Variants in PHLDA3 observed in about 807,000 individuals in gnomAD.
The protein encoded by PHLDA3 is pleckstrin homology-like domain family A member 3.
Under a neutral mutation model 7.6 loss-of-function variants are expected in PHLDA3, and 12 were observed. The ratio of observed to expected loss-of-function variants is 1.58; its 90% confidence interval spans 1.01 to 2.55. The LOEUF (loss-of-function observed/expected upper bound fraction) is 2.55. Ranked by LOEUF, PHLDA3 falls within the 30% of genes most tolerant of loss-of-function variation. The pLI is 0.00. For synonymous variants in PHLDA3, 104 were observed against 85.1 expected, an observed-to-expected ratio of 1.22 and a Z score of -1.23; for missense variants, 177 against 175.6, an observed-to-expected ratio of 1.01 and a Z score of -0.05.
chr1:201,468,634 C>T lies in PHLDA3; in HGVS notation c.153G>A (p.Lys51=). 4 of 1,613,318 alleles carry T rather than the reference C, an allele frequency of 2.5e-6. No homozygotes were observed. Residue 51 remains lysine (K), a synonymous_variant, in exon 1 of 2, where the codon AAG becomes AAA. Coordinates refer to ENST00000367311, the MANE Select transcript of PHLDA3 (RefSeq NM_012396.5). ...CCTTGATGCGGGCGAAGCTGAGCTC[C>T]TTGGGCCGGCCGCCCGTGCCCTTGG... is the stretch of plus-strand genomic sequence containing the variant. ...FEAKGTGGRP[K]ELSFARIKAV... is the part of the protein sequence containing the mutation.
chr1:201,468,406 G>C lies in PHLDA3; in HGVS notation c.381C>G (p.Ser127=), dbSNP rs2102394355. Residue 127 remains serine (S), a synonymous_variant, in exon 1 of 2, where the codon TCC becomes TCG. Transcript: ENST00000367311. ...RQSLGTGTLV[S] Reference sequence around the variant, plus strand: ...GAAAGATGGTGCGCCCGGTGGTTTAGGACACGAGGGTCCCGGTCCCGAGGC... The same window carrying C: ...GAAAGATGGTGCGCCCGGTGGTTTACGACACGAGGGTCCCGGTCCCGAGGC... 6.2e-7 allele frequency: 1 copy of C among 1,613,870 alleles called. No homozygotes were observed.
rs752456608 is a variant in PHLDA3 at position 201,468,798 on chromosome 1, G to A, written c.-12C>T. 7 of 1,534,748 alleles carry A rather than the reference G, an allele frequency of 4.6e-6. No homozygotes were observed. Among genetic ancestry groups the A allele is most frequent in the Admixed American group, 4.0e-5 (2 of 50,514 alleles). ...GCCGCCGCCGTCATGGGCGCCCCGA[G>A]GTTCGCGGAAAGCTCCAGGCTGCGG... On this transcript the variant is annotated 5_prime_UTR_variant, in exon 1 of 2. Transcript: ENST00000367311.
chr1:201,466,953 G>A (rs80208624), intron 1 of PHLDA3, among the ~76,000 whole-genome samples: 4,030 of 152,172 alleles, frequency 0.026, 82 homozygotes, highest in African/African-American at 0.058. Flanking sequence ...AGCCTCTGGC[G>A]CAGTTGCCTA....
In PHLDA3 at chr1:201,466,003, G is replaced by C. The variant is rs1336760774; in HGVS notation, c.*238C>G. On this transcript the variant is annotated 3_prime_UTR_variant, in exon 2 of 2. Coordinates refer to ENST00000367311, the MANE Select transcript of PHLDA3 (RefSeq NM_012396.5). ...GAAGCCCCTGAGCTGGGCATGTCCT[G>C]AGAGTCTGGGACCATCCAGGGGCTG... The C allele has an allele frequency of 1.3e-5, 2 of 154,928 alleles. No homozygotes were observed. Among genetic ancestry groups the C allele is most frequent in the Non-Finnish European group, 2.9e-5 (2 of 68,320 alleles). The allele number at this position is 154,928 out of a possible 1,614,324, so 9.6% of individuals were successfully genotyped here. A position where few individuals can be genotyped will look rare whatever the true frequency, so the allele number is the denominator to read the frequency against.
rs567786210 is a variant in PHLDA3 at position 201,464,302 on chromosome 1, C to T, written c.*1939G>A. On this transcript the variant is annotated 3_prime_UTR_variant, in exon 2 of 2. Coordinates refer to ENST00000367311, the MANE Select transcript of PHLDA3 (RefSeq NM_012396.5). The stretch of plus-strand genomic sequence containing the variant: ...ATTCTAGTTGAGCTCTGATCTTTCT[C>T]AGCACTGATTAGGGTTGCATAAACA... The T allele has an allele frequency of 1.3e-5, 2 of 152,322 alleles. No individual in the cohort carries two copies. Among genetic ancestry groups the T allele is most frequent in the East Asian group, 3.9e-4 (2 of 5,186 alleles). 9.4% of individuals were successfully genotyped at this position (152,322 alleles called of 1,614,324 possible).
rs1440933616 is a variant in PHLDA3, at chr1:201,465,730, A to C, written c.*511T>G. ...TTAGGCCCAGCAGCTCCCCCTTCTC[A>C]AGGTGAGTCCAGAGGCCATTCTGGA... On this transcript the variant is annotated 3_prime_UTR_variant, in exon 2 of 2. Transcript: ENST00000367311. The C allele has an allele frequency of 1.3e-5, 2 of 154,920 alleles. No homozygotes were observed. The highest frequency in any genetic ancestry group is 4.8e-5 in the African/African-American group (2 of 41,502). The allele number at this position is 154,920 out of a possible 1,614,324, so 9.6% of individuals were successfully genotyped here. A position where few individuals can be genotyped will look rare whatever the true frequency, so the allele number is the denominator to read the frequency against.
intron 1 of PHLDA3, among the ~76,000 whole-genome samples, chr1:201,467,888 A>G (rs1437791473): frequency 6.6e-6 from 1 of 152,202 alleles, no homozygotes; most frequent in African/African-American, 2.4e-5. Context: ...ACCTAGAGGG[A>G]AAGAGGGTCG....
rs1416746228 is a variant in PHLDA3 at position 201,464,788 on chromosome 1, T to A, written c.*1453A>T. On this transcript the variant is annotated 3_prime_UTR_variant, in exon 2 of 2. Coordinates refer to ENST00000367311, the MANE Select transcript of PHLDA3 (RefSeq NM_012396.5). ...TCTGTACAACTCCAGGCAGCTATTG[T>A]CTGTACCTGTTTTCCCGTTTTTTTT... is the stretch of plus-strand genomic sequence containing the variant. 1.4e-5 allele frequency: 2 copies of A among 143,880 alleles called. No individual in the cohort carries two copies. The highest frequency in any genetic ancestry group is 3.0e-5 in the Non-Finnish European group (2 of 66,176). 8.9% of individuals were successfully genotyped at this position (143,880 alleles called of 1,614,324 possible).
chr1:201,468,486 C>T lies in PHLDA3; in HGVS notation c.301G>A (p.Gly101Ser). 6.2e-7 allele frequency: 1 copy of T among 1,614,176 alleles called. No individual in the cohort carries two copies. Among genetic ancestry groups the T allele is most frequent in the East Asian group, 2.2e-5 (1 of 44,888 alleles). ...TGCTGGTTCTTGAACTTGACCAGGC[C>T]TAGGGTGATCTGGGCGTTCCAGCCG... ...DPGWNAQITL[G>S]LVKFKNQQAI... is the part of the protein sequence containing the mutation. The change falls in exon 1 of 2, where the codon GGC becomes AGC. Residue 101 changes from glycine (G) to serine (S), a missense_variant. Transcript: ENST00000367311.
Position 201,468,599 on chromosome 1 carries a change from C to T in PHLDA3, c.188G>A (p.Cys63Tyr). The T allele has an allele frequency of 6.2e-7, 1 of 1,613,804 alleles. No individual in the cohort carries two copies. Among genetic ancestry groups the T allele is most frequent in the Non-Finnish European group, 8.5e-7 (1 of 1,180,014 alleles). The change falls in exon 1 of 2, where the codon TGC becomes TAC. Residue 63 changes from cysteine to tyrosine, a missense_variant. Transcript: ENST00000367311. ...LSFARIKAVE[C>Y]VESTGRHIYF... ...GATGTGGCGCCCGGTGCTCTCCACGCACTCCACGGCCTTGATGCGGGCGAA... is the reference window on the plus strand; with the variant it reads ...GATGTGGCGCCCGGTGCTCTCCACGTACTCCACGGCCTTGATGCGGGCGAA...
Position 201,466,064 on chromosome 1 carries a change from T to G in PHLDA3, c.*177A>C, listed in dbSNP as rs1397214422. The stretch of plus-strand genomic sequence containing the variant: ...CTCAGCCCTGCGTAGCCTTCTGCCC[T>G]CCTCCCAGGGCTCGTCCATTCCTTC... On this transcript the variant is annotated 3_prime_UTR_variant, in exon 2 of 2. Transcript: ENST00000367311. The G allele has an allele frequency of 1.3e-5, 2 of 155,158 alleles. No homozygotes were observed. Among genetic ancestry groups the G allele is most frequent in the Non-Finnish European group, 2.9e-5 (2 of 68,614 alleles). The allele number at this position is 155,158 out of a possible 1,614,324, so 9.6% of individuals were successfully genotyped here.
At chr1:201,468,293 G>A (rs1663723049) in intron 1 of PHLDA3, 48 bp downstream of exon 1, 1 of 1,221,180 alleles carries the variant, frequency 8.2e-7, no homozygotes, top group Non-Finnish European at 1.2e-6. Context: ...GTAGGGGAAA[G>A]AGAAGGGAGG....
intron 1 of PHLDA3, among the ~76,000 whole-genome samples, chr1:201,467,803 G>C (rs757127822): frequency 6.6e-6 from 1 of 152,318 alleles, no homozygotes; most frequent in African/African-American, 2.4e-5. Context: ...TGCAACCCTT[G>C]ATGGTGCCTT....
intron 1 of PHLDA3, among the ~76,000 whole-genome samples, chr1:201,467,248 T>C (rs1266615643): frequency 6.6e-6 from 1 of 151,932 alleles, no homozygotes; most frequent in Non-Finnish European, 1.5e-5. Flanking sequence ...TTGAAGCTGT[T>C]GAGGCTGCAG....
Position 201,468,874 on chromosome 1 carries a change from G to A in PHLDA3, c.-88C>T, listed in dbSNP as rs1183927351. ...GCAGCGCAGGATTCTGGCGCCCCGGGCTGGCAGGCCGTGCGCGCTGCCCAC... is the reference window on the plus strand; with the variant it reads ...GCAGCGCAGGATTCTGGCGCCCCGGACTGGCAGGCCGTGCGCGCTGCCCAC... On this transcript the variant is annotated 5_prime_UTR_variant, in exon 1 of 2. Transcript: ENST00000367311. 8.2e-6 allele frequency: 11 copies of A among 1,347,926 alleles called. No individual in the cohort carries two copies. In the Admixed American group the frequency reaches 2.0e-4, roughly 24 times the overall value. 83.5% of individuals were successfully genotyped at this position (1,347,926 alleles called of 1,614,324 possible). A position where few individuals can be genotyped will look rare whatever the true frequency, so the allele number is the denominator to read the frequency against.
At position 201,468,709 on chromosome 1, in the gene PHLDA3, C is replaced by T. The variant is rs1663747370; in HGVS notation, c.78G>A (p.Trp26Ter). The T allele has an allele frequency of 2.5e-6, 4 of 1,607,380 alleles. No individual in the cohort carries two copies. Among genetic ancestry groups the T allele is most frequent in the Non-Finnish European group, 3.4e-6 (4 of 1,179,200 alleles). The change falls in exon 1 of 2, where the codon TGG becomes TGA. Residue 26 changes from tryptophan to a stop codon, truncating the protein, a stop_gained. Coordinates refer to ENST00000367311, the MANE Select transcript of PHLDA3 (RefSeq NM_012396.5). LOFTEE classifies it high-confidence loss of function. The stretch of plus-strand genomic sequence containing the variant: ...CGGTGAGGACGCAGCGCTTCCGCTT[C>T]CACAGCTGCAGCAGCCCGCCGCTGC... ...EKRSGGLLQL[W>*]KRKRCVLTER...
chr1:201,469,164 C>T lies in PHLDA3; in HGVS notation c.-378G>A, dbSNP rs1032705398. The T allele has an allele frequency of 2.5e-5, 5 of 199,296 alleles. No homozygotes were observed. Among genetic ancestry groups the T allele is most frequent in the African/African-American group, 1.2e-4 (5 of 42,864 alleles). 12.3% of individuals were successfully genotyped at this position (199,296 alleles called of 1,614,324 possible). ...GCTGGGCGGCAGCTCGCGGGATGTG[C>T]CCTTACATGTTCCGCCGCTCGCCTC... On this transcript the variant is annotated 5_prime_UTR_variant, in exon 1 of 2. Transcript: ENST00000367311.
intron 1 of PHLDA3, among the ~76,000 whole-genome samples, chr1:201,468,048 G>C (rs1663716399): frequency 6.6e-6 from 1 of 152,238 alleles, no homozygotes; most frequent in African/African-American, 2.4e-5. Flanking sequence ...CTGAGTCAGG[G>C]CTGAACCAAC....
At position 201,466,980 on chromosome 1, in the gene PHLDA3, C is replaced by T. The variant is rs147218139; in HGVS notation, c.*63-802G>A. On this transcript the variant is annotated intron_variant, in intron 1 of 1. Transcript: ENST00000367311. ...AGTTGCCTATCCTTCAGCTCCCTTGCTCTCCTAACAGTGAGCCCTAGGGCT... is the reference window on the plus strand; with the variant it reads ...AGTTGCCTATCCTTCAGCTCCCTTGTTCTCCTAACAGTGAGCCCTAGGGCT... 3.9e-5 allele frequency among the ~76,000 whole-genome samples: 6 copies of T among 152,270 alleles called. No homozygotes were observed. The East Asian group carries it at 1.2e-3, about 29-fold the overall frequency.
Sources: allele counts gnomAD v4.1 joint callset (sites outside exome capture counted in the v4.1 genomes callset), GRCh38; gene constraint gnomAD v4.1.1; transcripts MANE v1.5; gene names NCBI Gene and HGNC (gene_info 2026-07-23, HGNC 2026-07-21).